RNPEPL1: variants seen among roughly 807,000 people sequenced by gnomAD.
RNPEPL1 encodes the protein aminopeptidase RNPEPL1.
Under a neutral mutation model 69.0 loss-of-function variants are expected in RNPEPL1, and 46 were observed. The ratio of observed to expected loss-of-function variants is 0.67; its 90% CI spans 0.53 to 0.85. The LOEUF (loss-of-function observed/expected upper bound fraction) is 0.85. Among genes scored for constraint, RNPEPL1 ranks in the 40% least tolerant of loss-of-function variants. RNPEPL1 has a pLI of 0.00. For synonymous variants in RNPEPL1, 525 were observed against 454.1 expected, an observed-to-expected ratio of 1.16 and a Z score of -1.98; for missense variants, 869 against 992.5, an observed-to-expected ratio of 0.88 and a Z score of 1.67.
intron 7 of RNPEPL1, 120 bp downstream of exon 7, chr2:240,575,262 G>C: frequency 1.2e-6 from 1 of 847,102 alleles, no homozygotes; most frequent in Non-Finnish European, 2.0e-6. Flanking sequence ...TGTGAGCCTG[G>C]CTGGGACCTA....
Position 240,575,034 on chromosome 2 carries a change from G to A in RNPEPL1, c.1293G>A (p.Val431=). ...SKLQVKLEPG[V]NPSHLMNLFT... The stretch of plus-strand genomic sequence containing the variant: ...AGGTGGGTGTTCACCTTGCAGGAGT[G>A]AATCCCAGCCACCTGATGAACCTGT... The change falls in exon 7 of 11, where the codon GTG becomes GTA. Residue 431 remains valine (V), a synonymous_variant. Transcript: ENST00000270357. The A allele has an allele frequency of 6.2e-7, 1 of 1,613,382 alleles. No individual in the cohort carries two copies. The highest frequency in any genetic ancestry group is 8.5e-7 in the Non-Finnish European group (1 of 1,179,680).
At chr2:240,571,362 A>AC (rs2093020943) in intron 1 of RNPEPL1, among the ~76,000 whole-genome samples, 1 of 152,140 alleles carries the variant, frequency 6.6e-6, no homozygotes, top group African/African-American at 2.4e-5. Context: ...TGTTGGGGGC[A>AC]CCTTCTACTC....
In RNPEPL1 at chr2:240,577,990, T is replaced by G; in HGVS notation, c.*98T>G. 1 of 1,259,788 alleles carries G rather than the reference T, an allele frequency of 7.9e-7. No homozygotes were observed. The highest frequency in any genetic ancestry group is 1.1e-6 in the Non-Finnish European group (1 of 948,392). 78.0% of individuals were successfully genotyped at this position (1,259,788 alleles called of 1,614,324 possible). On this transcript the variant is annotated 3_prime_UTR_variant, in exon 11 of 11. Transcript: ENST00000270357. ...CTGCGTCTCGGCTCTGGCCATGAGC[T>G]CTGCCCAGGCCCACAAGCCCCTCCC... is the stretch of plus-strand genomic sequence containing the variant.
chr2:240,573,112 G>A lies in RNPEPL1; in HGVS notation c.672G>A (p.Ala224=), dbSNP rs760555882. The stretch of plus-strand genomic sequence containing the variant: ...GTCTCAGTCCGGCCTCCTTACAGGC[G>A]CCATCGGGGGTGCAGGTGCTGATGA... ...VKCTYSAVVK[A]PSGVQVLMSA... Residue 224 remains alanine (A), a splice_region_variant and synonymous_variant, in exon 3 of 11, where the codon GCG becomes GCA. Transcript: ENST00000270357. 8.1e-6 allele frequency: 13 copies of A among 1,602,888 alleles called. No individual in the cohort carries two copies. Among genetic ancestry groups the A allele is most frequent in the South Asian group, 2.2e-5 (2 of 89,412 alleles).
In RNPEPL1 at chr2:240,573,763, T is replaced by C. The variant is rs1334325316; in HGVS notation, c.822-12T>C. 2.0e-6 allele frequency: 3 copies of C among 1,525,514 alleles called. No individual in the cohort carries two copies. The highest frequency in any genetic ancestry group is 1.8e-6 in the Non-Finnish European group (2 of 1,133,070). The allele number at this position is 1,525,514 out of a possible 1,614,324, so 94.5% of individuals were successfully genotyped here. ...CTGCTCGGCCTCAGCTCACCCTCTC[T>C]GCATGCACCAGGAGCCGCGTGTGGG... On this transcript the variant is annotated splice_polypyrimidine_tract_variant and intron_variant, in intron 3 of 10. Transcript: ENST00000270357.
rs765246757 is a variant in RNPEPL1, at chr2:240,568,817, C to A, written c.231C>A (p.Leu77=). 2 of 1,114,522 alleles carry A rather than the reference C, an allele frequency of 1.8e-6. No individual in the cohort carries two copies. Among genetic ancestry groups the A allele is most frequent in the Non-Finnish European group, 1.1e-6 (1 of 911,994 alleles). The allele number at this position is 1,114,522 out of a possible 1,614,324, so 69.0% of individuals were successfully genotyped here. A position where few individuals can be genotyped will look rare whatever the true frequency, so the allele number is the denominator to read the frequency against. ...GGCCCGCGCCCCGCGCGCTCGTGCT[C>A]GACGCGCACCCGGCTCTGCGCCTGC... The part of the protein sequence containing the change: ...ALRPAPRALV[L]DAHPALRLHS... Residue 77 remains leucine (L), a synonymous_variant, in exon 1 of 11, where the codon CTC becomes CTA. Transcript: ENST00000270357. This position sits in a 1 kb window ranked among gnomAD's most constrained non-coding sequence, Gnocchi z 6.2.
At chr2:240,577,020 G>C (rs769200512) in intron 10 of RNPEPL1, 30 bp downstream of exon 10, 1 of 1,611,618 alleles carries the variant, frequency 6.2e-7, no homozygotes, top group Non-Finnish European at 8.5e-7. Flanking sequence ...GGGCCAGCCT[G>C]GAACGGCCTA....
chr2:240,575,190 C>A, intron 7 of RNPEPL1, 48 bp downstream of exon 7: 2 of 1,450,912 alleles, frequency 1.4e-6, no homozygotes, highest in Non-Finnish European at 1.9e-6. Flanking sequence ...CTGCCCCCAG[C>A]CCCTCCCCGG....
At chr2:240,573,739 T>C in intron 3 of RNPEPL1, 36 bp from the exon 4 acceptor site, 5 of 1,477,856 alleles carry the variant, frequency 3.4e-6, no homozygotes, top group Non-Finnish European at 4.5e-6. Flanking sequence ...GGGCTGGGGC[T>C]GCTCGGCCTC....
chr2:240,572,144 G>A (rs973497019), intron 1 of RNPEPL1, among the ~76,000 whole-genome samples: 1 of 152,258 alleles, frequency 6.6e-6, no homozygotes, highest in Admixed American at 6.5e-5. Flanking sequence ...GCTGGGAGAT[G>A]CCCCTATCGG....
At position 240,575,575 on chromosome 2, in the gene RNPEPL1, C is replaced by G; in HGVS notation, c.1475C>G (p.Pro492Arg). 1 of 1,613,428 alleles carries G rather than the reference C, an allele frequency of 6.2e-7. No homozygotes were observed. Among genetic ancestry groups the G allele is most frequent in the Non-Finnish European group, 8.5e-7 (1 of 1,179,976 alleles). ...CTGGACTCCTTCCTGAGCTTCTTCC[C>G]GGAGCTGAAGGAGCAGAGCGTGGAC... ...DLLDSFLSFF[P>R]ELKEQSVDCR... Residue 492 changes from proline to arginine, a missense_variant, in exon 8 of 11, where the codon CCG (proline) becomes CGG (arginine). Physicochemically the swap from Pro to Arg is moderately radical, Grantham distance 103. Coordinates refer to ENST00000270357, the MANE Select transcript of RNPEPL1 (RefSeq NM_018226.6).
intron 8 of RNPEPL1, chr2:240,576,060 T>G (rs1575438589): frequency 4.0e-6 from 1 of 252,534 alleles, no homozygotes; most frequent in Non-Finnish European, 7.8e-6. Flanking sequence ...GGTGGTGAGG[T>G]GCCACTGGGA....
Position 240,578,461 on chromosome 2 carries a change from C to T in RNPEPL1, c.*569C>T, listed in dbSNP as rs1237119361. On this transcript the variant is annotated 3_prime_UTR_variant, in exon 11 of 11. Transcript: ENST00000270357. Reference sequence around the variant, plus strand: ...GAGGATGGTTGTCCCTGGGGAGGGCCCTCTGGCCCCAGGCAACCTTAGCCC... The same window carrying T: ...GAGGATGGTTGTCCCTGGGGAGGGCTCTCTGGCCCCAGGCAACCTTAGCCC... 1 of 152,546 alleles carries T rather than the reference C, an allele frequency of 6.6e-6. No homozygotes were observed. Among genetic ancestry groups the T allele is most frequent in the Non-Finnish European group, 1.5e-5 (1 of 68,256 alleles). 9.4% of individuals were successfully genotyped at this position (152,546 alleles called of 1,614,324 possible). A position where few individuals can be genotyped will look rare whatever the true frequency, so the allele number is the denominator to read the frequency against.
At position 240,574,352 on chromosome 2, in the gene RNPEPL1, C is replaced by A; in HGVS notation, c.1174+4C>A. On this transcript the variant is annotated splice_donor_region_variant and intron_variant, in intron 5 of 10. Coordinates refer to ENST00000270357, the MANE Select transcript of RNPEPL1 (RefSeq NM_018226.6). ...CGTATCACCACCGAGACCTACGGTG[C>A]GGCCAGGGCCGGGGAGGGCAGCCAC... 6.3e-7 allele frequency: 1 copy of A among 1,593,916 alleles called. No homozygotes were observed. Among genetic ancestry groups the A allele is most frequent in the South Asian group, 1.1e-5 (1 of 90,592 alleles).
Position 240,581,117 on chromosome 2 carries a change from G to C in RNPEPL1, c.*3225G>C, listed in dbSNP as rs961959159. The stretch of plus-strand genomic sequence containing the variant: ...GGCACAACTGAGAATCACCTGCCCA[G>C]GGCAGCAACACAGTGTGAAGGAAAA... On this transcript the variant is annotated 3_prime_UTR_variant, in exon 11 of 11. Transcript: ENST00000270357. 2 of 152,206 alleles carry C rather than the reference G, an allele frequency of 1.3e-5. No individual in the cohort carries two copies. Among genetic ancestry groups the C allele is most frequent in the African/African-American group, 4.8e-5 (2 of 41,422 alleles). 9.4% of individuals were successfully genotyped at this position (152,206 alleles called of 1,614,324 possible).
chr2:240,571,935 C>T (rs1212097298), intron 1 of RNPEPL1, among the ~76,000 whole-genome samples: 1 of 152,092 alleles, frequency 6.6e-6, no homozygotes, highest in Non-Finnish European at 1.5e-5. Flanking sequence ...GGCTCTGGGC[C>T]CGGGCGTGCT....
chr2:240,575,252 T>C, intron 7 of RNPEPL1, 110 bp downstream of exon 7: 4 of 911,966 alleles, frequency 4.4e-6, no homozygotes, highest in Non-Finnish European at 5.3e-6. Context: ...GGCAGGGGCC[T>C]GTGAGCCTGG....
At position 240,574,228 on chromosome 2, in the gene RNPEPL1, A is replaced by G; in HGVS notation, c.1054A>G (p.Ile352Val). ...ESDEFLVIDV[I>V]HEVAHSWFGN... is the part of the protein sequence containing the mutation. ...CGATGAGTTCCTGGTCATCGATGTC[A>G]TCCACGAGGTGGCCCACAGTTGGTT... The change falls in exon 5 of 11, where the codon ATC becomes GTC. Residue 352 changes from isoleucine to valine, a missense_variant. Ile to Val is a conservative substitution (Grantham distance 29). Transcript: ENST00000270357. The G allele has an allele frequency of 6.2e-7, 1 of 1,613,196 alleles. No homozygotes were observed. Among genetic ancestry groups the G allele is most frequent in the Non-Finnish European group, 8.5e-7 (1 of 1,179,920 alleles).
intron 7 of RNPEPL1, 77 bp downstream of exon 7, chr2:240,575,219 C>T (rs1191540578): frequency 1.7e-6 from 2 of 1,181,284 alleles, no homozygotes; most frequent in African/African-American, 1.5e-5. Flanking sequence ...GCTGCCTGCT[C>T]TTGCGGCAGT....
Sources: gnomAD v4.1 joint callset for allele counts (sites outside exome capture counted in the v4.1 genomes callset) on GRCh38, gnomAD v4.1.1 for gene constraint, Gnocchi (gnomAD v3.1) non-coding constraint, MANE v1.5 for transcripts, NCBI Gene and HGNC (gene_info 2026-07-23, HGNC 2026-07-21) for gene names.